Variants in ARHGAP39 observed in about 807,000 individuals in gnomAD.
ARHGAP39 encodes Rho GTPase activating protein 39, also known as rho GTPase-activating protein 39.
In ARHGAP39, 44 loss-of-function variants were observed where a neutral mutation model predicts 106.9. The observed-to-expected ratio is 0.41, with a 90% CI of 0.32 to 0.53. The LOEUF (loss-of-function observed/expected upper bound fraction) is 0.53, where lower values mean the gene tolerates loss of function less well. Ranked by LOEUF, ARHGAP39 falls within the 20% of genes least tolerant of loss-of-function variation. The pLI, the probability that ARHGAP39 is intolerant of heterozygous loss-of-function variation, is 0.21. For missense variants in ARHGAP39, 1,496 were observed against 1,577.3 expected (o/e 0.95, Z 0.87); for synonymous variants, 768 against 693.2 (o/e 1.11, Z -1.69).
intron 1 of ARHGAP39, among the ~76,000 whole-genome samples, chr8:144,669,297 G>A (rs1822038524): frequency 7.1e-3 from 1 of 140 alleles, no homozygotes; most frequent in South Asian, 0.083. Flanking sequence ...ACGAGGTCAG[G>A]AGATTTTAGA....
At chr8:144,571,510 A>G (rs934375603) in intron 3 of ARHGAP39, among the ~76,000 whole-genome samples, 1 of 152,226 alleles carries the variant, frequency 6.6e-6, no homozygotes, top group Non-Finnish European at 1.5e-5. Flanking sequence ...GCCATAAATA[A>G]TGACAAACCC....
chr8:144,550,548 G>A (rs987233840), intron 4 of ARHGAP39, among the ~76,000 whole-genome samples: 1 of 152,284 alleles, frequency 6.6e-6, no homozygotes, highest in Non-Finnish European at 1.5e-5. Context: ...TTGCCTGGGG[G>A]GTTGGTGAGG....
chr8:144,554,868 A>G (rs1306659417), intron 4 of ARHGAP39, among the ~76,000 whole-genome samples: 1 of 152,226 alleles, frequency 6.6e-6, no homozygotes, highest in Non-Finnish European at 1.5e-5. Context: ...TCGTCTGTGC[A>G]GAACGCCAGA....
intron 4 of ARHGAP39, among the ~76,000 whole-genome samples, chr8:144,553,490 C>A (rs746270445): frequency 6.6e-6 from 1 of 152,246 alleles, no homozygotes; most frequent in Non-Finnish European, 1.5e-5. Context: ...CACTTCCCCA[C>A]CCTGCTCCAC....
chr8:144,623,621 C>T (rs557375386), intron 1 of ARHGAP39, among the ~76,000 whole-genome samples: 1 of 152,318 alleles, frequency 6.6e-6, no homozygotes, highest in East Asian at 1.9e-4. Flanking sequence ...ACGTCTGCAG[C>T]GACAGAGGAG....
chr8:144,539,513 G>A (rs1817106161), intron 6 of ARHGAP39, among the ~76,000 whole-genome samples: 1 of 152,178 alleles, frequency 6.6e-6, no homozygotes, highest in Non-Finnish European at 1.5e-5. Context: ...CTCCTGTTTT[G>A]TTCCAGAAGT....
chr8:144,555,826 C>T (rs950549191), intron 3 of ARHGAP39, among the ~76,000 whole-genome samples, 183 bp from the exon 4 acceptor site: 50 of 152,232 alleles, frequency 3.3e-4, no homozygotes, highest in Non-Finnish European at 7.3e-5. Context: ...AGGTACACAC[C>T]ACTGTGGCCC....
chr8:144,651,796 G>A (rs1821580863), intron 1 of ARHGAP39, among the ~76,000 whole-genome samples: 1 of 152,118 alleles, frequency 6.6e-6, no homozygotes. Flanking sequence ...GAAGCTGGAG[G>A]CATCATGTTA....
chr8:144,694,040 C>G, the ARHGAP39 span, among the ~76,000 whole-genome samples: 1 of 152,054 alleles, frequency 6.6e-6, no homozygotes, highest in Admixed American at 6.6e-5. Flanking sequence ...GGCCCTGAGG[C>G]AGGAATGTGA....
At chr8:144,589,145 G>A (rs933957053) in intron 2 of ARHGAP39, among the ~76,000 whole-genome samples, 2 of 152,322 alleles carry the variant, frequency 1.3e-5, no homozygotes, top group Non-Finnish European at 1.5e-5. Context: ...GGTGGCCGGA[G>A]GACCCTGGTG....
chr8:144,692,801 C>T, the ARHGAP39 span, among the ~76,000 whole-genome samples: 1 of 148,076 alleles, frequency 6.8e-6, no homozygotes, highest in Non-Finnish European at 1.5e-5. Flanking sequence ...CTCTTGTCCC[C>T]CAGGCTGCAG....
intron 3 of ARHGAP39, among the ~76,000 whole-genome samples, chr8:144,577,291 A>AGACC (rs1231902312): frequency 2.0e-5 from 3 of 152,214 alleles, no homozygotes; most frequent in Non-Finnish European, 4.4e-5. Flanking sequence ...GTTCAACATG[A>AGACC]GACCAACCAG....
chr8:144,598,709 C>T (rs922513767), intron 2 of ARHGAP39, among the ~76,000 whole-genome samples: 1 of 152,220 alleles, frequency 6.6e-6, no homozygotes, highest in East Asian at 1.9e-4. Context: ...GCAGGTGCCA[C>T]GTGCTCTTTC....
intron 2 of ARHGAP39, among the ~76,000 whole-genome samples, chr8:144,587,873 G>A (rs1375021210): frequency 2.0e-5 from 3 of 152,158 alleles, no homozygotes; most frequent in Admixed American, 1.3e-4. Context: ...GGCTGGTCTC[G>A]AACTACTGAT....
At chr8:144,654,324 G>T (rs1348952803) in intron 1 of ARHGAP39, among the ~76,000 whole-genome samples, 2 of 152,034 alleles carry the variant, frequency 1.3e-5, no homozygotes, top group Non-Finnish European at 2.9e-5. Flanking sequence ...GGGCAACATG[G>T]CGAAACCCCA....
chr8:144,580,701 C>A, intron 3 of ARHGAP39, 145 bp downstream of exon 3: 1 of 1,064,474 alleles, frequency 9.4e-7, no homozygotes, highest in Non-Finnish European at 1.3e-6. Flanking sequence ...CCCACCATAC[C>A]CGACCTACTC....
rs772972354 is a variant in ARHGAP39 at position 144,547,965 on chromosome 8, G to A, written c.1121C>T (p.Thr374Ile). 1 of 1,606,248 alleles carries A rather than the reference G, an allele frequency of 6.2e-7. No homozygotes were observed. ...GAAGCGCTCGGGACACTTCTGCTTG[G>A]TGAGCACCAGCTGCTGGCAGGGCGA... Reference protein sequence around the residue: ...PPSPCQQLVLTKQKCPERFLS... With the variant: ...PPSPCQQLVLIKQKCPERFLS... Residue 374 changes from threonine to isoleucine, a missense_variant, in exon 5 of 12, where the codon ACC (threonine) becomes ATC (isoleucine). Physicochemically the swap from Thr to Ile is moderately conservative, Grantham distance 89. Transcript: ENST00000377307. This position sits in a 1 kb window ranked among gnomAD's most constrained non-coding sequence, Gnocchi z 5.2.
chr8:144,690,717 T>C (rs1412115326), upstream of ARHGAP39, among the ~76,000 whole-genome samples: 3 of 151,288 alleles, frequency 2.0e-5, no homozygotes, highest in Admixed American at 6.6e-5. Flanking sequence ...TAATCTCAGC[T>C]CACTACAGCC....
chr8:144,697,325 A>AG, the ARHGAP39 span, among the ~76,000 whole-genome samples: 1 of 152,044 alleles, frequency 6.6e-6, no homozygotes, highest in East Asian at 1.9e-4. Context: ...CAAAAAAAAA[A>AG]AAAAAAAAGT....
Sources: gnomAD v4.1 joint callset for allele counts (sites outside exome capture counted in the v4.1 genomes callset) on GRCh38, gnomAD v4.1.1 for gene constraint, Gnocchi (gnomAD v3.1) non-coding constraint, MANE v1.5 for transcripts, NCBI Gene and HGNC (gene_info 2026-07-23, HGNC 2026-07-21) for gene names.